CLVS1: variants seen among roughly 807,000 people sequenced by gnomAD.
The protein encoded by CLVS1 is clavesin 1.
Under a neutral mutation model 33.1 loss-of-function variants are expected in CLVS1, and 10 were observed. That is an observed-to-expected ratio of 0.30 (90% CI 0.19 to 0.51). The LOEUF (loss-of-function observed/expected upper bound fraction) is 0.51. Among genes scored for constraint, CLVS1 ranks in the 20% least tolerant of loss-of-function variants. The pLI, the probability that CLVS1 is intolerant of heterozygous loss-of-function variation, is 0.97. For synonymous variants in CLVS1, 163 were observed against 166.1 expected, an observed-to-expected ratio of 0.98 and a Z score of 0.14; for missense variants, 343 against 433.4, an observed-to-expected ratio of 0.79 and a Z score of 1.85.
chr8:61,383,281 A>G (rs1813957366), intron 3 of CLVS1, among the ~76,000 whole-genome samples: 1 of 152,140 alleles, frequency 6.6e-6, no homozygotes. Flanking sequence ...TCACCTGACA[A>G]TTGAGGGATG....
At chr8:61,483,254 A>G (rs4286944) in intron 5 of CLVS1, among the ~76,000 whole-genome samples, 143,518 of 152,250 alleles carry the variant, frequency 0.94, 67,749 homozygotes, top group African/African-American at 0.99. Flanking sequence ...AAATGACAAA[A>G]AGGATATCAC....
At chr8:61,156,017 C>A (rs924020739) in intron 2 of CLVS1, among the ~76,000 whole-genome samples, 3 of 152,064 alleles carry the variant, frequency 2.0e-5, no homozygotes, top group East Asian at 3.9e-4. Flanking sequence ...AGTTTGAGAC[C>A]AGCCTGGCCA....
chr8:61,317,954 C>T (rs2053409), intron 2 of CLVS1, among the ~76,000 whole-genome samples: 78,385 of 151,898 alleles, frequency 0.52, 20,781 homozygotes, highest in East Asian at 0.82. Context: ...GTGTCTTTGC[C>T]CACTATGAAG....
chr8:61,325,256 C>A (rs538964279), intron 2 of CLVS1, among the ~76,000 whole-genome samples: 1 of 152,056 alleles, frequency 6.6e-6, no homozygotes, highest in South Asian at 2.1e-4. Flanking sequence ...AGGATGTGAA[C>A]ATGTTAGGTA....
rs1313441641 is a variant in CLVS1 at position 61,300,245 on chromosome 8, A to G, written c.418A>G (p.Ile140Val). ...LENRDHYGRK[I>V]LLLFAANWDQ... ...AAACCGAGACCATTACGGCAGGAAGATTCTTTTGCTGTTTGCAGCCAATTG... is the reference window on the plus strand; with the variant it reads ...AAACCGAGACCATTACGGCAGGAAGGTTCTTTTGCTGTTTGCAGCCAATTG... The change falls in exon 2 of 6, where the codon ATT becomes GTT. Residue 140 changes from isoleucine (I) to valine (V), a missense_variant. Around this residue, in one of 4 missense-constraint regions of CLVS1, gnomAD observed 166 missense variants for 244.0 expected, o/e 0.68. Coordinates refer to ENST00000325897, the MANE Select transcript of CLVS1 (RefSeq NM_173519.3). 6.2e-7 allele frequency: 1 copy of G among 1,613,816 alleles called. No homozygotes were observed. Among genetic ancestry groups the G allele is most frequent in the Admixed American group, 1.7e-5 (1 of 59,952 alleles).
intron 1 of CLVS1, among the ~76,000 whole-genome samples, chr8:61,112,048 A>G (rs1465288659): frequency 6.6e-6 from 1 of 152,188 alleles, no homozygotes; most frequent in East Asian, 1.9e-4. Flanking sequence ...AAGGAATATG[A>G]ATAGTTAACT....
At chr8:61,214,077 T>A (rs1808033262) in intron 2 of CLVS1, among the ~76,000 whole-genome samples, 1 of 152,064 alleles carries the variant, frequency 6.6e-6, no homozygotes, top group Admixed American at 6.6e-5. Context: ...GAAGAGGAAA[T>A]TCCCACCTAA....
chr8:61,132,861 A>AG (rs1378295599), intron 2 of CLVS1, among the ~76,000 whole-genome samples: 1 of 152,140 alleles, frequency 6.6e-6, no homozygotes, highest in African/African-American at 2.4e-5. Flanking sequence ...CCATTAGTGG[A>AG]GGGGGCATTT....
At chr8:61,110,013 T>G (rs2129288030) in intron 1 of CLVS1, among the ~76,000 whole-genome samples, 2 of 152,332 alleles carry the variant, frequency 1.3e-5, no homozygotes, top group Admixed American at 1.3e-4. Flanking sequence ...GAAAACAGAC[T>G]AAGACATTAG....
chr8:61,015,683 T>C, the CLVS1 span, among the ~76,000 whole-genome samples: 2 of 152,042 alleles, frequency 1.3e-5, no homozygotes, highest in South Asian at 4.2e-4. Context: ...GGGGCAGGGG[T>C]TGGACACACA....
intron 1 of CLVS1, among the ~76,000 whole-genome samples, chr8:61,059,312 G>C (rs1246022330): frequency 6.6e-6 from 1 of 151,362 alleles, no homozygotes; most frequent in Non-Finnish European, 1.5e-5. Flanking sequence ...CTTTTCACAT[G>C]CTTATTTGTT....
intron 2 of CLVS1, among the ~76,000 whole-genome samples, chr8:61,331,814 C>T (rs1054383160): frequency 6.7e-6 from 1 of 149,724 alleles, no homozygotes; most frequent in Non-Finnish European, 1.5e-5. Context: ...TCTCCTCCTC[C>T]TCCTCCTCTT....
At chr8:61,196,844 C>T (rs1807623874) in intron 2 of CLVS1, among the ~76,000 whole-genome samples, 1 of 152,194 alleles carries the variant, frequency 6.6e-6, no homozygotes, top group Non-Finnish European at 1.5e-5. Context: ...CTCAGTCTTC[C>T]TTGCAGCTAA....
chr8:61,185,507 TA>T (rs1339798454), intron 2 of CLVS1, among the ~76,000 whole-genome samples: 1 of 152,132 alleles, frequency 6.6e-6, no homozygotes, highest in Non-Finnish European at 1.5e-5. Context: ...TGCAGCCTAA[TA>T]TTTTTTACAT....
chr8:61,270,260 T>C (rs1295054852), intron 2 of CLVS1, among the ~76,000 whole-genome samples: 1 of 152,232 alleles, frequency 6.6e-6, no homozygotes. Context: ...TTTCTGCATC[T>C]ATTGAGATAA....
chr8:61,188,096 T>G (rs909634384), intron 2 of CLVS1, among the ~76,000 whole-genome samples: 1 of 152,114 alleles, frequency 6.6e-6, no homozygotes, highest in Non-Finnish European at 1.5e-5. Flanking sequence ...AAACCAGACT[T>G]GCATTAAGAT....
Position 61,240,495 on chromosome 8 carries a change from A to G in CLVS1, c.-151-59182A>G, listed in dbSNP as rs1189689815. Among the ~76,000 whole-genome samples the G allele has an allele frequency of 5.6e-4, 85 of 152,160 alleles. 1 individual carries two copies. The highest frequency in any genetic ancestry group is 5.6e-3 in the Admixed American group (85 of 15,276). Reference sequence around the variant, plus strand: ...GAGTCCATTTTGTCAAACAATTTCTATGTGAAACACGCTGATTTATTTGTA... The same window carrying G: ...GAGTCCATTTTGTCAAACAATTTCTGTGTGAAACACGCTGATTTATTTGTA... On this transcript the variant is annotated intron_variant, in intron 2 of 2. Transcript: ENST00000522621.
chr8:61,171,630 T>C (rs1406239289), intron 2 of CLVS1, among the ~76,000 whole-genome samples: 3 of 152,180 alleles, frequency 2.0e-5, no homozygotes, highest in Non-Finnish European at 4.4e-5. Context: ...GATTTGTTCT[T>C]TCCTCTTTTT....
intron 2 of CLVS1, among the ~76,000 whole-genome samples, chr8:61,357,809 G>C (rs988951096): frequency 1.3e-5 from 2 of 151,962 alleles, no homozygotes; most frequent in East Asian, 1.9e-4. Context: ...CACCATCCCT[G>C]GCTTCCCAAA....
Sources: allele counts gnomAD v4.1 joint callset (sites outside exome capture counted in the v4.1 genomes callset), GRCh38; gene constraint gnomAD v4.1.1; regional missense constraint gnomAD v4.1.1; transcripts MANE v1.5; gene names NCBI Gene and HGNC (gene_info 2026-07-23, HGNC 2026-07-21).